The following SH2B2 variants were observed in gnomAD, a reference collection of about 807,000 sequenced individuals.
SH2B2 encodes SH2B adaptor protein 2.
SH2B2 carries 37 observed loss-of-function variants against 35.7 expected under a neutral mutation model. The ratio of observed to expected loss-of-function variants is 1.04; its 90% confidence interval spans 0.80 to 1.36. The LOEUF (loss-of-function observed/expected upper bound fraction) is 1.36. SH2B2 is among the 40% of genes most tolerant of loss of function. The pLI is 0.00. For synonymous variants in SH2B2, 383 were observed against 376.4 expected (o/e 1.02, Z -0.20); for missense variants, 852 against 817.7 (o/e 1.04, Z -0.51).
At chr7:102,289,647 T>C (rs1317390461) in intron 1 of SH2B2, among the ~76,000 whole-genome samples, 5 of 151,858 alleles carry the variant, frequency 3.3e-5, no homozygotes, top group African/African-American at 1.2e-4. Flanking sequence ...CCACCAGAGG[T>C]CTCAGGAGGC....
At chr7:102,305,997 A>G (rs1330797587) in intron 2 of SH2B2, among the ~76,000 whole-genome samples, 2 of 148,692 alleles carry the variant, frequency 1.3e-5, no homozygotes, top group Non-Finnish European at 3.0e-5. Flanking sequence ...TCCCCTGATC[A>G]AGCGATCCTT....
intron 1 of SH2B2, among the ~76,000 whole-genome samples, chr7:102,287,532 G>C (rs1464330728): frequency 6.6e-6 from 1 of 152,180 alleles, no homozygotes; most frequent in African/African-American, 2.4e-5. Context: ...CCACGGGATG[G>C]GATCGGGGAG....
intron 4 of SH2B2, 107 bp downstream of exon 4, chr7:102,309,013 T>C (rs1793510844): frequency 1.1e-6 from 1 of 884,686 alleles, no homozygotes; most frequent in East Asian, 2.4e-5. Flanking sequence ...GCTTGAGAAA[T>C]GAGCAATTCA....
intron 6 of SH2B2, among the ~76,000 whole-genome samples, chr7:102,316,934 G>A (rs2694145): frequency 1.7e-4 from 26 of 151,978 alleles, no homozygotes; most frequent in Middle Eastern, 6.8e-3. Flanking sequence ...CAGGAGAATC[G>A]CTTGAACCCG....
At chr7:102,285,833 C>G (rs905188735), upstream of SH2B2, among the ~76,000 whole-genome samples, 2 of 152,128 alleles carry the variant, frequency 1.3e-5, no homozygotes, top group South Asian at 4.1e-4. Flanking sequence ...CAGGGGTCCC[C>G]CCCTGCTATC....
At chr7:102,317,527 C>A in intron 7 of SH2B2, 132 bp downstream of exon 7, 1 of 770,778 alleles carries the variant, frequency 1.3e-6, no homozygotes, top group Non-Finnish European at 2.0e-6. Flanking sequence ...TTCCCACGGG[C>A]CCCACTCACC....
At chr7:102,315,500 T>G (rs1365146012) in intron 6 of SH2B2, among the ~76,000 whole-genome samples, 1 of 151,824 alleles carries the variant, frequency 6.6e-6, no homozygotes, top group Non-Finnish European at 1.5e-5. Flanking sequence ...GGCTCATTTT[T>G]GTATTTTTGG....
intron 2 of SH2B2, among the ~76,000 whole-genome samples, chr7:102,303,734 G>A (rs1259335903): frequency 2.6e-5 from 4 of 152,196 alleles, no homozygotes; most frequent in Non-Finnish European, 4.4e-5. Flanking sequence ...GGGCTTACCC[G>A]GGGTCACCCA....
chr7:102,300,904 G>T lies in SH2B2; in HGVS notation c.354G>T (p.Ser118=). ...KAAPYGHSRS[S]EDVSTHAATK... ...CGCCCTACGGCCACTCGCGGAGCTC[G>T]GAGGACGTGTCCACGCACGCGGCCA... Residue 118 remains serine, a synonymous_variant, in exon 2 of 9, where the codon TCG becomes TCT. Coordinates refer to ENST00000444095, the MANE Select transcript of SH2B2 (RefSeq NM_001359228.2). The T allele has an allele frequency of 1.4e-6, 2 of 1,477,196 alleles. No individual in the cohort carries two copies. Among genetic ancestry groups the T allele is most frequent in the East Asian group, 5.2e-5 (2 of 38,652 alleles). 91.5% of individuals were successfully genotyped at this position (1,477,196 alleles called of 1,614,324 possible).
At chr7:102,285,448 A>C (rs1036230631), upstream of SH2B2, among the ~76,000 whole-genome samples, 1 of 152,144 alleles carries the variant, frequency 6.6e-6, no homozygotes, top group East Asian at 1.9e-4. Flanking sequence ...GGGCTGGCCC[A>C]CTGCCGAAGC....
intron 4 of SH2B2, among the ~76,000 whole-genome samples, chr7:102,313,837 A>T (rs1423565793): frequency 2.0e-5 from 3 of 151,276 alleles, no homozygotes; most frequent in Admixed American, 2.0e-4. Flanking sequence ...GCTTGAACCC[A>T]GGAGGCAGAG....
chr7:102,316,577 ACT>A (rs1554557038), intron 6 of SH2B2, among the ~76,000 whole-genome samples: 1 of 149,814 alleles, frequency 6.7e-6, no homozygotes, highest in Non-Finnish European at 1.5e-5. Flanking sequence ...ACAGAGCAAG[ACT>A]CTGTCTCAAA....
chr7:102,307,255 G>A (rs1170970549), intron 3 of SH2B2, among the ~76,000 whole-genome samples: 9 of 152,232 alleles, frequency 5.9e-5, no homozygotes, highest in African/African-American at 1.9e-4. Context: ...AAGGGGGGGC[G>A]GGGAGGCACC....
intron 2 of SH2B2, 109 bp from the exon 3 acceptor site, chr7:102,306,611 TG>T: frequency 1.4e-6 from 1 of 738,664 alleles, no homozygotes; most frequent in Non-Finnish European, 2.4e-6. Context: ...TGTACCAGGG[TG>T]GCTGTGGCAG....
Position 102,292,874 on chromosome 7 carries a change from AG to A in SH2B2, c.-30+5787del, listed in dbSNP as rs545487627. Among the ~76,000 whole-genome samples the A allele has an allele frequency of 8.0e-3, 1,215 of 152,196 alleles. 15 individuals are homozygous for A. The highest frequency in any genetic ancestry group is 0.028 in the African/African-American group (1,147 of 41,530). ...GGAGCTAAGTGAGGGTGCAGGAGGAAGGGGGGGTCTCTTGGCAGTGGGGCGC... is the reference window on the plus strand; with the variant it reads ...GGAGCTAAGTGAGGGTGCAGGAGGAAGGGGGGTCTCTTGGCAGTGGGGCGC... On this transcript the variant is annotated intron_variant, in intron 1 of 8. Transcript: ENST00000444095.
chr7:102,295,745 G>A (rs782280346), intron 1 of SH2B2, among the ~76,000 whole-genome samples: 4 of 152,186 alleles, frequency 2.6e-5, no homozygotes, highest in Non-Finnish European at 5.9e-5. Context: ...CCTGGAAGAA[G>A]TGGCTTCTGG....
chr7:102,295,289 G>A (rs1239288505), intron 1 of SH2B2, among the ~76,000 whole-genome samples: 1 of 152,192 alleles, frequency 6.6e-6, no homozygotes, highest in Non-Finnish European at 1.5e-5. Flanking sequence ...CTGGCTCTGA[G>A]CCCCCTGGGG....
chr7:102,306,915 G>A (rs1282197882), intron 3 of SH2B2, 93 bp downstream of exon 3: 17 of 1,024,858 alleles, frequency 1.7e-5, no homozygotes, highest in South Asian at 4.1e-5. Flanking sequence ...CGAGGGGAAG[G>A]AGCCTAAGGC....
intron 4 of SH2B2, among the ~76,000 whole-genome samples, chr7:102,312,830 T>C (rs1448032074): frequency 1.3e-5 from 2 of 152,142 alleles, no homozygotes; most frequent in African/African-American, 2.4e-5. Context: ...TTTTCTTTTA[T>C]TAAGATGAGA....
Sources: gnomAD v4.1 joint callset for allele counts (sites outside exome capture counted in the v4.1 genomes callset) on GRCh38, gnomAD v4.1.1 for gene constraint, MANE v1.5 for transcripts, NCBI Gene and HGNC (gene_info 2026-07-23, HGNC 2026-07-21) for gene names.